TNR: variants seen among roughly 807,000 people sequenced by gnomAD.
TNR encodes the protein tenascin R, also known as tenascin-R.
TNR carries 45 observed loss-of-function variants against 150.4 expected under a neutral mutation model. That is an observed-to-expected ratio of 0.30 (90% CI 0.24 to 0.38). The LOEUF is 0.38. TNR is among the 10% of genes least tolerant of loss of function. The pLI is 1.00. For synonymous variants in TNR, 687 were observed against 678.4 expected (o/e 1.01, Z -0.20); for missense variants, 1,544 against 1,759.1 (o/e 0.88, Z 2.19).
At chr1:175,706,504 C>T (rs1049650102) in intron 1 of TNR, among the ~76,000 whole-genome samples, 12 of 152,148 alleles carry the variant, frequency 7.9e-5, no homozygotes, top group Admixed American at 5.9e-4. Context: ...CATCTGGCCA[C>T]GTCCACCCAC....
rs533694564 is a variant in TNR, at chr1:175,379,542, T to C, written c.1963+10A>G. On this transcript the variant is annotated intron_variant, in intron 9 of 22. Coordinates refer to ENST00000367674, the MANE Select transcript of TNR (RefSeq NM_003285.3). ...AACCAGCATAACCCCAAGAGATAGG[T>C]CTTACTCACCTGTCAGGGTGGCCCT... 79 of 1,610,986 alleles carry C rather than the reference T, an allele frequency of 4.9e-5. 1 individual carries two copies. The South Asian group carries it at 8.4e-4, about 17-fold the overall frequency.
chr1:175,529,722 CTCT>C (rs1659990752), intron 1 of TNR, among the ~76,000 whole-genome samples: 1 of 152,182 alleles, frequency 6.6e-6, no homozygotes, highest in African/African-American at 2.4e-5. Context: ...ACTAGAAAAT[CTCT>C]TCTTCCATGG....
chr1:175,742,390 A>G (rs1435624714), intron 1 of TNR, among the ~76,000 whole-genome samples: 1 of 152,160 alleles, frequency 6.6e-6, no homozygotes, highest in African/African-American at 2.4e-5. Flanking sequence ...TCACTGCCAA[A>G]TGCCCCAGAA....
chr1:175,527,149 T>C (rs1008771210), intron 2 of TNR, among the ~76,000 whole-genome samples: 1 of 152,244 alleles, frequency 6.6e-6, no homozygotes, highest in African/African-American at 2.4e-5. Context: ...CCACCTTCCA[T>C]GTCTGCTTGG....
Position 175,319,318 on chromosome 1 carries a change from A to T in TNR, c.*4039T>A, listed in dbSNP as rs1358750224. On this transcript the variant is annotated 3_prime_UTR_variant, in exon 23 of 23. Coordinates refer to ENST00000367674, the MANE Select transcript of TNR (RefSeq NM_003285.3). Reference sequence around the variant, plus strand: ...GCATGTTCTGTCTTTTCTCCAGAGGAGAGGACAAAGAGGAACTCATAAACT... The same window carrying T: ...GCATGTTCTGTCTTTTCTCCAGAGGTGAGGACAAAGAGGAACTCATAAACT... The T allele has an allele frequency of 6.6e-6, 1 of 152,244 alleles. No individual in the cohort carries two copies. Among genetic ancestry groups the T allele is most frequent in the Non-Finnish European group, 1.5e-5 (1 of 68,044 alleles). 9.4% of individuals were successfully genotyped at this position (152,244 alleles called of 1,614,324 possible).
At chr1:175,625,944 T>A (rs942303620) in intron 1 of TNR, among the ~76,000 whole-genome samples, 11 of 148,648 alleles carry the variant, frequency 7.4e-5, no homozygotes, top group Non-Finnish European at 1.5e-5. Flanking sequence ...CTCCCAGAAT[T>A]CCCAAGTGTT....
At chr1:175,423,539 A>C (rs1654843570) in intron 2 of TNR, among the ~76,000 whole-genome samples, 1 of 152,172 alleles carries the variant, frequency 6.6e-6, no homozygotes, top group Non-Finnish European at 1.5e-5. Flanking sequence ...CTAGGATGTG[A>C]ATCGAGATCT....
At chr1:175,459,232 A>C (rs535613295) in intron 2 of TNR, among the ~76,000 whole-genome samples, 1 of 151,678 alleles carries the variant, frequency 6.6e-6, no homozygotes, top group East Asian at 1.9e-4. Flanking sequence ...TGCCATTATC[A>C]CAACGACCAC....
At chr1:175,459,452 T>C (rs1656719775) in intron 2 of TNR, among the ~76,000 whole-genome samples, 1 of 152,340 alleles carries the variant, frequency 6.6e-6, no homozygotes, top group Admixed American at 6.5e-5. Flanking sequence ...GATTTATTTC[T>C]CCTGCTCTCT....
At chr1:175,689,879 G>A (rs1274193177) in intron 1 of TNR, among the ~76,000 whole-genome samples, 5 of 152,124 alleles carry the variant, frequency 3.3e-5, no homozygotes, top group Admixed American at 6.5e-5. Context: ...CTCGGTTTCC[G>A]TTACTACCCA....
At chr1:175,430,633 T>C (rs118179255) in intron 2 of TNR, among the ~76,000 whole-genome samples, 2 of 152,316 alleles carry the variant, frequency 1.3e-5, no homozygotes, top group East Asian at 3.9e-4. Flanking sequence ...GAGATTAGAA[T>C]GTAGGTCTCC....
chr1:175,708,657 C>T (rs892124272), intron 1 of TNR, among the ~76,000 whole-genome samples: 13 of 152,134 alleles, frequency 8.5e-5, no homozygotes, highest in Non-Finnish European at 1.2e-4. Flanking sequence ...GACCAGTCGT[C>T]AAGACTGGCC....
intron 2 of TNR, among the ~76,000 whole-genome samples, chr1:175,448,690 ACCCT>A (rs111802499): frequency 4.5e-4 from 69 of 152,022 alleles, no homozygotes; most frequent in African/African-American, 1.7e-3. Flanking sequence ...CCAACCACAC[ACCCT>A]CCCAGGTGGG....
intron 2 of TNR, among the ~76,000 whole-genome samples, chr1:175,474,167 G>A (rs1182818965): frequency 6.6e-6 from 1 of 152,154 alleles, no homozygotes; most frequent in East Asian, 1.9e-4. Flanking sequence ...ACAATGGGGA[G>A]AAGACACCAG....
At chr1:175,376,879 T>TATATACACAC (rs36055169) in intron 9 of TNR, among the ~76,000 whole-genome samples, 6 of 146,534 alleles carry the variant, frequency 4.1e-5, no homozygotes, top group Admixed American at 3.4e-4. Context: ...TATATATATA[T>TATATACACAC]ACACATATAT....
intron 1 of TNR, among the ~76,000 whole-genome samples, chr1:175,645,522 G>A (rs889989409): frequency 6.6e-6 from 1 of 152,164 alleles, no homozygotes. Context: ...TTTGTATCAG[G>A]AACATTGAAC....
At chr1:175,474,895 AC>A (rs1412485144) in intron 2 of TNR, among the ~76,000 whole-genome samples, 2 of 152,254 alleles carry the variant, frequency 1.3e-5, no homozygotes, top group Non-Finnish European at 2.9e-5. Context: ...TCTAACACAT[AC>A]CAGCTAGGTG....
At chr1:175,377,269 C>CT (rs1232209651) in intron 9 of TNR, among the ~76,000 whole-genome samples, 3 of 152,128 alleles carry the variant, frequency 2.0e-5, no homozygotes, top group South Asian at 2.1e-4. Flanking sequence ...GTCGGATCTT[C>CT]TTTTTTCCCG....
intron 8 of TNR, among the ~76,000 whole-genome samples, chr1:175,384,836 A>G (rs1571367881): frequency 6.6e-6 from 1 of 152,240 alleles, no homozygotes; most frequent in Non-Finnish European, 1.5e-5. Flanking sequence ...CATGACACTA[A>G]GTTACATGCT....
Sources: gnomAD v4.1 joint callset for allele counts (sites outside exome capture counted in the v4.1 genomes callset) on GRCh38, gnomAD v4.1.1 for gene constraint, MANE v1.5 for transcripts, NCBI Gene and HGNC (gene_info 2026-07-23, HGNC 2026-07-21) for gene names.